LRP1B: variants seen among roughly 807,000 people sequenced by gnomAD.
The protein encoded by LRP1B is LDL receptor related protein 1B.
A neutral mutation model predicts 556.6 loss-of-function variants in LRP1B; 217 were observed. The ratio of observed to expected loss-of-function variants is 0.39; its 90% CI spans 0.35 to 0.44. The LOEUF (loss-of-function observed/expected upper bound fraction) is 0.44, where lower values mean the gene tolerates loss of function less well. Ranked by LOEUF, LRP1B falls within the 20% of genes least tolerant of loss-of-function variation. The probability of loss-of-function intolerance (pLI) is 1.00; values close to 1 mark genes in which losing one functional copy is unlikely to be tolerated. For missense variants in LRP1B, 5,053 were observed against 5,620.8 expected, an observed-to-expected ratio of 0.90 and a Z score of 3.23; for synonymous variants, 2,047 against 1,865.8, an observed-to-expected ratio of 1.10 and a Z score of -2.50.
intron 3 of LRP1B, among the ~76,000 whole-genome samples, chr2:141,447,770 G>C (rs1362086878): frequency 6.6e-6 from 1 of 152,196 alleles, no homozygotes; most frequent in East Asian, 1.9e-4. Context: ...ATTGCTGCCT[G>C]TTCCTTCCTC....
At chr2:141,784,834 C>A (rs527618127) in intron 2 of LRP1B, among the ~76,000 whole-genome samples, 2 of 152,082 alleles carry the variant, frequency 1.3e-5, no homozygotes, top group East Asian at 1.9e-4. Flanking sequence ...GCACCGATAA[C>A]AGTCAATGTT....
chr2:141,695,327 T>C (rs1691698023), intron 2 of LRP1B, among the ~76,000 whole-genome samples: 1 of 151,970 alleles, frequency 6.6e-6, no homozygotes, highest in East Asian at 1.9e-4. Context: ...TTTTATTCTG[T>C]CCTCTTGTAA....
At chr2:141,589,957 A>G (rs964324142) in intron 2 of LRP1B, among the ~76,000 whole-genome samples, 2 of 152,228 alleles carry the variant, frequency 1.3e-5, no homozygotes, top group African/African-American at 4.8e-5. Flanking sequence ...TTAAGAAGCC[A>G]CTAAACTGCA....
At chr2:140,705,964 A>G (rs1686822862) in intron 37 of LRP1B, among the ~76,000 whole-genome samples, 1 of 152,180 alleles carries the variant, frequency 6.6e-6, no homozygotes, top group Non-Finnish European at 1.5e-5. Context: ...TAAAGAAATG[A>G]ATGGAATTTG....
At chr2:140,787,310 C>T (rs933060504) in intron 32 of LRP1B, among the ~76,000 whole-genome samples, 1 of 152,078 alleles carries the variant, frequency 6.6e-6, no homozygotes, top group Non-Finnish European at 1.5e-5. Context: ...TTTACTTCTT[C>T]TATCTGGAAT....
intron 6 of LRP1B, among the ~76,000 whole-genome samples, chr2:141,197,864 G>T (rs1681821518): frequency 6.6e-6 from 1 of 152,068 alleles, no homozygotes; most frequent in Admixed American, 6.6e-5. Flanking sequence ...AGCCAAAAAT[G>T]ATGGCAGAAA....
At chr2:140,285,857 T>C (rs1001718718) in intron 84 of LRP1B, among the ~76,000 whole-genome samples, 3 of 3,000 alleles carry the variant, frequency 1.0e-3, no homozygotes, top group African/African-American at 1.2e-3. Context: ...ACTCTTTCAT[T>C]GTGTATAGTG....
chr2:140,907,711 T>G (rs1694297518), intron 22 of LRP1B, among the ~76,000 whole-genome samples, 166 bp downstream of exon 22: 3 of 152,162 alleles, frequency 2.0e-5, no homozygotes, highest in Admixed American at 1.3e-4. Context: ...TGAAGACTTT[T>G]ACTGTAGCCT....
At chr2:141,864,452 C>G (rs1453627914) in intron 1 of LRP1B, among the ~76,000 whole-genome samples, 4 of 151,204 alleles carry the variant, frequency 2.6e-5, no homozygotes, top group Non-Finnish European at 5.9e-5. Context: ...AGGCCCCAAA[C>G]AAGCTAAAAA....
intron 31 of LRP1B, among the ~76,000 whole-genome samples, chr2:140,835,429 C>T (rs748495531): frequency 1.3e-5 from 2 of 152,204 alleles, no homozygotes; most frequent in African/African-American, 2.4e-5. Flanking sequence ...TCACTTGCCA[C>T]GTCTTTTCTC....
rs1701663443 is a variant in LRP1B, at chr2:141,969,493, T to C, written c.83-159092A>G. On this transcript the variant is annotated intron_variant, in intron 1 of 90. Transcript: ENST00000389484. ...TATTTCTATTGTTTTAGATTCCACA[T>C]AAGTGAAAACACACAGCATTTGTCT... 2.0e-5 allele frequency among the ~76,000 whole-genome samples: 3 copies of C among 151,698 alleles called. No homozygotes were observed. In the South Asian group the frequency reaches 6.2e-4, roughly 31 times the overall value.
intron 2 of LRP1B, among the ~76,000 whole-genome samples, chr2:141,715,097 G>A (rs1245155630): frequency 1.3e-5 from 2 of 152,108 alleles, no homozygotes; most frequent in Non-Finnish European, 2.9e-5. Context: ...CACTCTCTTT[G>A]TAATAGAAAC....
chr2:140,799,296 C>A (rs1690423321), intron 32 of LRP1B, among the ~76,000 whole-genome samples: 1 of 151,996 alleles, frequency 6.6e-6, no homozygotes. Flanking sequence ...ATGAGGCCAT[C>A]ATGATGGGAT....
intron 2 of LRP1B, among the ~76,000 whole-genome samples, chr2:141,489,112 C>CTT (rs70994433): frequency 1.7e-4 from 13 of 76,076 alleles, no homozygotes; most frequent in African/African-American, 6.3e-4. Context: ...TGATGCTTGG[C>CTT]TTTTTTTTTT....
intron 6 of LRP1B, among the ~76,000 whole-genome samples, chr2:141,213,880 T>C (rs1284872940): frequency 6.6e-6 from 1 of 152,144 alleles, no homozygotes; most frequent in African/African-American, 2.4e-5. Flanking sequence ...TGATACCACA[T>C]CCTTTGAGGA....
Position 140,261,718 on chromosome 2 carries a change from A to C in LRP1B, c.13247+8524T>G, listed in dbSNP as rs942210388. On this transcript the variant is annotated intron_variant, in intron 86 of 90. Coordinates refer to ENST00000389484, the MANE Select transcript of LRP1B (RefSeq NM_018557.3). ...GCAATGCTGTTTGTAATATATAGTAAATAAACATAAGAGTGTATCATAGGG... is the reference window on the plus strand; with the variant it reads ...GCAATGCTGTTTGTAATATATAGTACATAAACATAAGAGTGTATCATAGGG... Among the ~76,000 whole-genome samples the C allele has an allele frequency of 2.7e-5, 4 of 150,772 alleles. No individual in the cohort carries two copies. In the South Asian group the frequency reaches 6.2e-4, roughly 23 times the overall value.
At chr2:141,344,282 C>T (rs1317570285) in intron 3 of LRP1B, among the ~76,000 whole-genome samples, 1 of 152,086 alleles carries the variant, frequency 6.6e-6, no homozygotes. Flanking sequence ...AGCTAAAGTC[C>T]TTACACAGGT....
At chr2:141,903,957 G>A (rs1446810075) in intron 1 of LRP1B, among the ~76,000 whole-genome samples, 1 of 151,890 alleles carries the variant, frequency 6.6e-6, no homozygotes, top group African/African-American at 2.4e-5. Context: ...TGAACATCAT[G>A]AGAAGAAGCA....
intron 46 of LRP1B, among the ~76,000 whole-genome samples, chr2:140,535,683 T>C (rs1217158715): frequency 6.6e-6 from 1 of 152,132 alleles, no homozygotes; most frequent in Non-Finnish European, 1.5e-5. Context: ...TCAGGACAAT[T>C]TTTTAAAAAT....
Sources: gnomAD v4.1 joint callset for allele counts (sites outside exome capture counted in the v4.1 genomes callset) on GRCh38, gnomAD v4.1.1 for gene constraint, MANE v1.5 for transcripts, NCBI Gene and HGNC (gene_info 2026-07-23, HGNC 2026-07-21) for gene names.